CDH18: variants seen among roughly 807,000 people sequenced by gnomAD.
The protein encoded by CDH18 is cadherin-18.
A neutral mutation model predicts 67.9 loss-of-function variants in CDH18; 31 were observed. The ratio of observed to expected loss-of-function variants is 0.46; its 90% CI spans 0.34 to 0.62. The LOEUF is 0.62. Among genes scored for constraint, CDH18 ranks in the 20% least tolerant of loss-of-function variants. The pLI, the probability that CDH18 is intolerant of heterozygous loss-of-function variation, is 0.01. For synonymous variants in CDH18, 362 were observed against 347.2 expected (o/e 1.04, Z -0.48); for missense variants, 890 against 975.5 (o/e 0.91, Z 1.17).
chr5:20,147,037 C>T (rs1222754256), intron 2 of CDH18, among the ~76,000 whole-genome samples: 2 of 152,092 alleles, frequency 1.3e-5, no homozygotes, highest in Non-Finnish European at 2.9e-5. Flanking sequence ...AGGTTACTCA[C>T]AGTGGAGTTT....
intron 1 of CDH18, among the ~76,000 whole-genome samples, chr5:20,411,054 T>A (rs1177262475): frequency 6.6e-6 from 1 of 152,112 alleles, no homozygotes; most frequent in East Asian, 1.9e-4. Context: ...ACAGATTTAA[T>A]AAAATCTTTA....
intron 4 of CDH18, among the ~76,000 whole-genome samples, chr5:19,742,082 G>GACATGC (rs1769285915): frequency 6.6e-6 from 1 of 152,120 alleles, no homozygotes; most frequent in African/African-American, 2.4e-5. Flanking sequence ...AACCACTTCA[G>GACATGC]TTTATTTTTG....
intron 2 of CDH18, among the ~76,000 whole-genome samples, chr5:20,008,831 T>A (rs1055261119): frequency 6.6e-6 from 1 of 151,974 alleles, no homozygotes; most frequent in Non-Finnish European, 1.5e-5. Context: ...CCAGGTGCAA[T>A]GAAAAATTAA....
intron 1 of CDH18, among the ~76,000 whole-genome samples, chr5:20,440,933 G>A (rs73058802): frequency 0.032 from 4,806 of 151,962 alleles, 342 homozygotes; most frequent in African/African-American, 0.11. Context: ...AGCAAGTTAC[G>A]TAAGAACACA....
At chr5:20,336,708 G>A (rs1739785832) in intron 1 of CDH18, among the ~76,000 whole-genome samples, 1 of 105,882 alleles carries the variant, frequency 9.4e-6, no homozygotes, top group Non-Finnish European at 1.8e-5. Flanking sequence ...GGGCAACAGA[G>A]AGGGAGCCTC....
At chr5:20,188,360 C>A (rs1259775867) in intron 2 of CDH18, among the ~76,000 whole-genome samples, 1 of 151,948 alleles carries the variant, frequency 6.6e-6, no homozygotes, top group Non-Finnish European at 1.5e-5. Flanking sequence ...CTTTATTCTA[C>A]TGGTCACTCC....
At chr5:19,864,815 G>A (rs6880126) in intron 2 of CDH18, among the ~76,000 whole-genome samples, 2,583 of 152,198 alleles carry the variant, frequency 0.017, 66 homozygotes, top group African/African-American at 0.058. Flanking sequence ...TCTAGCTAAC[G>A]AATTTTTTGC....
intron 2 of CDH18, among the ~76,000 whole-genome samples, chr5:20,101,811 C>T (rs1280404997): frequency 3.9e-5 from 6 of 152,164 alleles, no homozygotes; most frequent in African/African-American, 4.8e-5. Flanking sequence ...TGTTGGCTCA[C>T]GTCTATAATC....
intron 3 of CDH18, among the ~76,000 whole-genome samples, chr5:19,747,664 T>C (rs911357055): frequency 1.2e-4 from 18 of 151,924 alleles, no homozygotes; most frequent in African/African-American, 3.9e-4. Flanking sequence ...AAAAAATATA[T>C]GGTAGGACAA....
chr5:20,276,017 C>A (rs759369677), intron 1 of CDH18, among the ~76,000 whole-genome samples: 1 of 152,162 alleles, frequency 6.6e-6, no homozygotes, highest in Non-Finnish European at 1.5e-5. Context: ...AAATTACCCA[C>A]CCCAGCAGAC....
intron 2 of CDH18, among the ~76,000 whole-genome samples, chr5:20,202,744 C>T (rs1739551594): frequency 6.6e-6 from 1 of 151,690 alleles, no homozygotes; most frequent in African/African-American, 2.4e-5. Flanking sequence ...TTACCATTAG[C>T]TTTAATATTT....
intron 12 of CDH18, among the ~76,000 whole-genome samples, chr5:19,477,610 A>G (rs1389179502): frequency 6.6e-6 from 1 of 152,144 alleles, no homozygotes; most frequent in African/African-American, 2.4e-5. Flanking sequence ...TCCTAAGACC[A>G]AAGTATATTT....
At chr5:20,107,126 G>T (rs1467874033) in intron 2 of CDH18, among the ~76,000 whole-genome samples, 1 of 150,936 alleles carries the variant, frequency 6.6e-6, no homozygotes, top group Non-Finnish European at 1.5e-5. Context: ...TGTCGCCCAG[G>T]CTGGAGTGCA....
At chr5:19,952,801 TA>T (rs57774721) in intron 2 of CDH18, among the ~76,000 whole-genome samples, 4,414 of 152,150 alleles carry the variant, frequency 0.029, 230 homozygotes, top group East Asian at 0.22. Flanking sequence ...GAGAGGCATT[TA>T]GGGGAAATAT....
intron 5 of CDH18, among the ~76,000 whole-genome samples, chr5:19,702,891 A>G (rs1418716869): frequency 1.3e-5 from 2 of 152,204 alleles, no homozygotes; most frequent in Non-Finnish European, 2.9e-5. Flanking sequence ...CACTTAAGGC[A>G]TTCCTGAACC....
At chr5:19,586,475 C>T (rs540575675) in intron 7 of CDH18, among the ~76,000 whole-genome samples, 5 of 152,118 alleles carry the variant, frequency 3.3e-5, no homozygotes, top group East Asian at 1.9e-4. Context: ...TTTCTGTTCC[C>T]GCATTAGTTT....
chr5:19,763,154 G>A (rs1479071634), intron 3 of CDH18, among the ~76,000 whole-genome samples: 3 of 152,162 alleles, frequency 2.0e-5, no homozygotes, highest in South Asian at 2.1e-4. Context: ...TGTAAATGAT[G>A]AGTTAATGGG....
chr5:20,338,267 T>A (rs1316427836), intron 1 of CDH18, among the ~76,000 whole-genome samples: 1 of 152,230 alleles, frequency 6.6e-6, no homozygotes, highest in Non-Finnish European at 1.5e-5. Flanking sequence ...TTTCTTCTGT[T>A]AGGAGACACA....
intron 1 of CDH18, among the ~76,000 whole-genome samples, chr5:20,312,950 T>G (rs1305696918): frequency 6.6e-6 from 1 of 152,098 alleles, no homozygotes; most frequent in African/African-American, 2.4e-5. Flanking sequence ...TATGAATAAT[T>G]GTAATCTGCA....
Sources: allele counts gnomAD v4.1 joint callset (sites outside exome capture counted in the v4.1 genomes callset), GRCh38; gene constraint gnomAD v4.1.1; transcripts MANE v1.5; gene names NCBI Gene and HGNC (gene_info 2026-07-23, HGNC 2026-07-21).